Variants in MYO3A observed in about 807,000 individuals in gnomAD.
The protein encoded by MYO3A is myosin-IIIa.
A neutral mutation model predicts 192.7 loss-of-function variants in MYO3A; 180 were observed. The observed-to-expected ratio is 0.93, with a 90% CI of 0.83 to 1.06. The LOEUF (loss-of-function observed/expected upper bound fraction) is 1.06. Ranked by LOEUF, MYO3A falls within the 50% of genes least tolerant of loss-of-function variation. The probability of loss-of-function intolerance (pLI) is 0.00; values close to 1 mark genes in which losing one functional copy is unlikely to be tolerated. For missense variants in MYO3A, 1,896 were observed against 1,905.0 expected, an observed-to-expected ratio of 1.00 and a Z score of 0.09; for synonymous variants, 628 against 645.3, an observed-to-expected ratio of 0.97 and a Z score of 0.41.
In MYO3A at chr10:26,096,340, G is replaced by A. The variant is rs766035766; in HGVS notation, c.1563-41G>A. 2.2e-6 allele frequency: 3 copies of A among 1,371,248 alleles called. No individual in the cohort carries two copies. The Admixed American group carries it at 5.2e-5, about 24-fold the overall frequency. 84.9% of individuals were successfully genotyped at this position (1,371,248 alleles called of 1,614,324 possible). A position where few individuals can be genotyped will look rare whatever the true frequency, so the allele number is the denominator to read the frequency against. ...TTGTCAAGTAACTTAAGCAAGAAAT[G>A]TTCTTACTAACTACCTTACTGTAAA... On this transcript the variant is annotated intron_variant, in intron 15 of 34. Coordinates refer to ENST00000642920, the MANE Select transcript of MYO3A (RefSeq NM_017433.5).
chr10:26,107,564 C>T (rs1338054628), intron 17 of MYO3A, among the ~76,000 whole-genome samples: 1 of 150,194 alleles, frequency 6.7e-6, no homozygotes, highest in East Asian at 1.9e-4. Context: ...CTTTAATTAC[C>T]TTTCTGATTC....
chr10:26,192,456 C>T (rs115284062), intron 31 of MYO3A, among the ~76,000 whole-genome samples: 3,767 of 152,094 alleles, frequency 0.025, 144 homozygotes, highest in African/African-American at 0.086. Flanking sequence ...CGGGTCACTG[C>T]GTGAGGCTGG....
intron 31 of MYO3A, among the ~76,000 whole-genome samples, chr10:26,180,312 C>T (rs1366597751): frequency 6.6e-6 from 1 of 152,110 alleles, no homozygotes; most frequent in African/African-American, 2.4e-5. Context: ...ACACTCTGTA[C>T]TGATGAAATG....
rs201775547 is a variant in MYO3A at position 26,146,951 on chromosome 10, CTT to C, written c.2506-472_2506-471del. Among the ~76,000 whole-genome samples the C allele has an allele frequency of 1.7e-3, 252 of 152,084 alleles. 3 individuals carry two copies. The highest frequency in any genetic ancestry group is 8.3e-3 in the East Asian group (43 of 5,160). On this transcript the variant is annotated intron_variant, in intron 22 of 34. Coordinates refer to ENST00000642920, the MANE Select transcript of MYO3A (RefSeq NM_017433.5). Reference sequence around the variant, plus strand: ...AACATAGCAAGACCTCATCTCTAAACTTTTTTTTAAGTAATAACATTATTTAG... The same window carrying C: ...AACATAGCAAGACCTCATCTCTAAACTTTTTTAAGTAATAACATTATTTAG...
At chr10:26,135,527 A>G (rs1839795387) in intron 20 of MYO3A, among the ~76,000 whole-genome samples, 1 of 152,254 alleles carries the variant, frequency 6.6e-6, no homozygotes, top group African/African-American at 2.4e-5. Flanking sequence ...AGAGGCTGGC[A>G]AGGGTTGTGA....
chr10:26,126,057 C>T (rs747395284), intron 19 of MYO3A, among the ~76,000 whole-genome samples: 19 of 152,162 alleles, frequency 1.2e-4, no homozygotes, highest in Non-Finnish European at 2.2e-4. Flanking sequence ...AATGCCATTA[C>T]AGCCTCACTG....
At chr10:26,123,789 G>A (rs1839018544) in intron 18 of MYO3A, among the ~76,000 whole-genome samples, 3 of 152,162 alleles carry the variant, frequency 2.0e-5, no homozygotes, top group Non-Finnish European at 4.4e-5. Context: ...AGCCAGGCGT[G>A]GTGGCGGGCA....
chr10:26,211,344 G>C (rs571964573), intron 34 of MYO3A, among the ~76,000 whole-genome samples: 4 of 152,284 alleles, frequency 2.6e-5, no homozygotes, highest in Admixed American at 6.5e-5. Context: ...CACTGAAAAA[G>C]CCAACAAGGC....
chr10:26,037,298 A>G (rs72793944), intron 10 of MYO3A, among the ~76,000 whole-genome samples: 25,321 of 152,190 alleles, frequency 0.17, 2,385 homozygotes, highest in Non-Finnish European at 0.21. Flanking sequence ...CAATAAATTT[A>G]TATTATTTTG....
At chr10:25,946,363 T>C (rs1836827370) in intron 2 of MYO3A, among the ~76,000 whole-genome samples, 9 of 151,848 alleles carry the variant, frequency 5.9e-5, no homozygotes, top group Admixed American at 5.9e-4. Flanking sequence ...TTTCCAGATA[T>C]AGAATTCTCA....
intron 2 of MYO3A, among the ~76,000 whole-genome samples, chr10:25,947,478 C>T (rs767617438): frequency 1.1e-3 from 172 of 149,678 alleles, no homozygotes; most frequent in Admixed American, 2.4e-3. Flanking sequence ...ACTGCAACCT[C>T]CGCCTCCCGG....
intron 10 of MYO3A, among the ~76,000 whole-genome samples, chr10:26,042,167 C>T (rs1843387654): frequency 6.6e-6 from 1 of 152,096 alleles, no homozygotes; most frequent in Non-Finnish European, 1.5e-5. Context: ...GTAAGGTTTC[C>T]ACTAAAAATT....
intron 31 of MYO3A, among the ~76,000 whole-genome samples, chr10:26,177,082 A>G (rs1321807897): frequency 6.6e-6 from 1 of 151,830 alleles, no homozygotes; most frequent in Admixed American, 6.6e-5. Context: ...CATTTTAACT[A>G]GAACTTGGCA....
intron 2 of MYO3A, among the ~76,000 whole-genome samples, chr10:25,943,793 TG>T (rs1836657753): frequency 6.6e-6 from 1 of 151,740 alleles, no homozygotes; most frequent in African/African-American, 2.4e-5. Context: ...TGTGTGTGTG[TG>T]TGTGTGTGTG....
intron 27 of MYO3A, among the ~76,000 whole-genome samples, chr10:26,168,196 A>T (rs2132004110): frequency 6.6e-6 from 1 of 152,270 alleles, no homozygotes; most frequent in African/African-American, 2.4e-5. Context: ...GCCCCAAAGG[A>T]CAGTGACCTG....
chr10:26,090,444 A>G (rs949836789), intron 15 of MYO3A, among the ~76,000 whole-genome samples: 1 of 152,208 alleles, frequency 6.6e-6, no homozygotes, highest in African/African-American at 2.4e-5. Context: ...TTTTCCCCCT[A>G]AGGAACTATT....
intron 4 of MYO3A, among the ~76,000 whole-genome samples, chr10:25,994,892 T>C (rs1840321066): frequency 3.3e-5 from 5 of 152,250 alleles, no homozygotes. Context: ...GTTAGTCTGA[T>C]GGGCTTCCCT....
At chr10:26,193,421 A>G in intron 32 of MYO3A, 110 bp downstream of exon 32, 2 of 889,228 alleles carry the variant, frequency 2.2e-6, no homozygotes, top group Non-Finnish European at 1.8e-6. Flanking sequence ...GGCAGGACAG[A>G]GATGCGCTTG....
At chr10:25,940,695 G>A (rs1836433514) in intron 2 of MYO3A, among the ~76,000 whole-genome samples, 1 of 151,748 alleles carries the variant, frequency 6.6e-6, no homozygotes, top group Non-Finnish European at 1.5e-5. Context: ...ATACTTTTAT[G>A]GGTACTTTTG....
Sources: allele counts gnomAD v4.1 joint callset (sites outside exome capture counted in the v4.1 genomes callset), GRCh38; gene constraint gnomAD v4.1.1; transcripts MANE v1.5; gene names NCBI Gene and HGNC (gene_info 2026-07-23, HGNC 2026-07-21).